NEGR1: variants seen among roughly 807,000 people sequenced by gnomAD.
The protein encoded by NEGR1 is neuronal growth regulator 1.
In NEGR1, 10 loss-of-function variants were observed where a neutral mutation model predicts 40.9. That is an observed-to-expected ratio of 0.24 (90% confidence interval 0.15 to 0.42). The LOEUF (loss-of-function observed/expected upper bound fraction) is 0.42, where lower values mean the gene tolerates loss of function less well. NEGR1 is among the 10% of genes least tolerant of loss of function. The probability of loss-of-function intolerance (pLI) is 1.00; values close to 1 mark genes in which losing one functional copy is unlikely to be tolerated. For synonymous variants in NEGR1, 185 were observed against 166.8 expected (o/e 1.11, Z -0.84); for missense variants, 352 against 438.9 (o/e 0.80, Z 1.77).
rs1345897019 is a variant in NEGR1 at position 72,202,108 on chromosome 1, T to C, written c.176+80211A>G. On this transcript the variant is annotated intron_variant, in intron 1 of 6. Coordinates refer to ENST00000357731, the MANE Select transcript of NEGR1 (RefSeq NM_173808.3). ...GGTAAGTCAAACATTTTAATTATCA[T>C]TATATCTGTTACAGTAATCTGTAAT... Among the ~76,000 whole-genome samples the C allele has an allele frequency of 3.3e-5, 5 of 151,942 alleles. No homozygotes were observed. The East Asian group carries it at 9.7e-4, about 29-fold the overall frequency.
At chr1:71,674,556 C>T (rs149530950) in intron 4 of NEGR1, among the ~76,000 whole-genome samples, 1 of 148,820 alleles carries the variant, frequency 6.7e-6, no homozygotes, top group African/African-American at 2.5e-5. Flanking sequence ...TTGGCCCAAT[C>T]GAAATACTCT....
At chr1:71,531,026 T>G (rs983289768) in intron 6 of NEGR1, among the ~76,000 whole-genome samples, 24 of 151,474 alleles carry the variant, frequency 1.6e-4, no homozygotes, top group African/African-American at 5.5e-4. Context: ...TACTAGGTAC[T>G]ATCCTTATTG....
intron 6 of NEGR1, among the ~76,000 whole-genome samples, chr1:71,549,947 C>T (rs1648022732): frequency 6.6e-6 from 1 of 151,612 alleles, no homozygotes; most frequent in Non-Finnish European, 1.5e-5. Flanking sequence ...TGTGCCAGGG[C>T]TTACATACCA....
intron 1 of NEGR1, among the ~76,000 whole-genome samples, chr1:71,992,192 T>C (rs895546800): frequency 1.3e-5 from 2 of 152,152 alleles, no homozygotes; most frequent in African/African-American, 4.8e-5. Context: ...ATGAGTATTA[T>C]TTAAAAATTG....
rs1652152519 is a variant in NEGR1, at chr1:71,663,911, T to C, written c.667+34097A>G. ...TCTCTTGAAAAGGTAGCTGTCTCTA[T>C]TGAGAGTTAATTATGGATTCTATAC... On this transcript the variant is annotated intron_variant, in intron 4 of 6. Transcript: ENST00000357731. Among the ~76,000 whole-genome samples, 3 of 152,200 alleles carry C rather than the reference T, an allele frequency of 2.0e-5. No homozygotes were observed. The South Asian group carries it at 6.2e-4, about 31-fold the overall frequency.
intron 6 of NEGR1, among the ~76,000 whole-genome samples, chr1:71,420,317 A>G (rs1028763616): frequency 3.9e-5 from 6 of 152,072 alleles, no homozygotes; most frequent in African/African-American, 1.4e-4. Context: ...GATCTTTGAG[A>G]CTTACATAAG....
intron 2 of NEGR1, among the ~76,000 whole-genome samples, chr1:71,886,033 C>T (rs1660713829): frequency 6.6e-6 from 1 of 152,122 alleles, no homozygotes; most frequent in African/African-American, 2.4e-5. Context: ...AAGACGACAG[C>T]TTTTTCACTT....
Position 71,827,201 on chromosome 1 carries a change from G to GA in NEGR1, c.410-50905dup, listed in dbSNP as rs199785593. Among the ~76,000 whole-genome samples the GA allele has an allele frequency of 7.9e-3, 1,172 of 147,778 alleles. 40 individuals carry two copies. In the South Asian group the frequency reaches 0.1, roughly 13 times the overall value. The stretch of plus-strand genomic sequence containing the variant: ...TCTATTCTATTGTGTTCTGTTTTAT[G>GA]AAAAAAAAAGAGGGAGCAGAGAGAA... On this transcript the variant is annotated intron_variant, in intron 2 of 6. Coordinates refer to ENST00000357731, the MANE Select transcript of NEGR1 (RefSeq NM_173808.3).
At chr1:71,918,359 A>G (rs1427430069) in intron 2 of NEGR1, among the ~76,000 whole-genome samples, 1 of 151,404 alleles carries the variant, frequency 6.6e-6, no homozygotes, top group African/African-American at 2.4e-5. Context: ...AAGTCTCAGA[A>G]AGTGGGACGG....
chr1:72,101,951 T>C lies in NEGR1; in HGVS notation c.177-166640A>G, dbSNP rs893760693. On this transcript the variant is annotated intron_variant, in intron 1 of 6. Transcript: ENST00000357731. ...CTGCTTTAAATACATGTTAGTTCTT[T>C]ACATATGTTTTAATATCTGTCTATC... Among the ~76,000 whole-genome samples, 6 of 152,150 alleles carry C rather than the reference T, an allele frequency of 3.9e-5. No individual in the cohort carries two copies. The South Asian group carries it at 6.2e-4, about 16-fold the overall frequency.
chr1:71,998,870 G>T (rs1393935137), intron 1 of NEGR1, among the ~76,000 whole-genome samples: 4 of 151,592 alleles, frequency 2.6e-5, no homozygotes, highest in African/African-American at 9.7e-5. Flanking sequence ...ATGATATATA[G>T]TTACATATAC....
chr1:72,161,558 T>G lies in NEGR1; in HGVS notation c.176+120761A>C, dbSNP rs148679264. Among the ~76,000 whole-genome samples, 537 of 152,122 alleles carry G rather than the reference T, an allele frequency of 3.5e-3. 5 individuals carry two copies. The highest frequency in any genetic ancestry group is 0.012 in the African/African-American group (518 of 41,520). ...TATTCAAAGACTATCCTCCAAAATA[T>G]CAAGAGGACAAATGTTGTGAAACCC... On this transcript the variant is annotated intron_variant, in intron 1 of 6. Coordinates refer to ENST00000357731, the MANE Select transcript of NEGR1 (RefSeq NM_173808.3).
chr1:71,822,789 C>A (rs752779110), intron 2 of NEGR1, among the ~76,000 whole-genome samples: 1 of 151,990 alleles, frequency 6.6e-6, no homozygotes, highest in Non-Finnish European at 1.5e-5. Context: ...AGCATGGAAT[C>A]CCATTCACAA....
intron 2 of NEGR1, among the ~76,000 whole-genome samples, chr1:71,886,256 T>C (rs965835270): frequency 4.6e-5 from 7 of 152,206 alleles, no homozygotes; most frequent in Admixed American, 3.3e-4. Flanking sequence ...GATTATTAGT[T>C]GTTCCCTAAT....
intron 6 of NEGR1, among the ~76,000 whole-genome samples, chr1:71,511,268 T>A (rs1455638656): frequency 6.6e-6 from 1 of 152,232 alleles, no homozygotes; most frequent in Non-Finnish European, 1.5e-5. Context: ...GAATTAAACA[T>A]GTTATGATGC....
At chr1:71,454,506 C>G (rs1273218695) in intron 6 of NEGR1, among the ~76,000 whole-genome samples, 2 of 152,052 alleles carry the variant, frequency 1.3e-5, no homozygotes, top group East Asian at 3.9e-4. Context: ...TAATTTGCTT[C>G]TGAGACAAGG....
intron 1 of NEGR1, among the ~76,000 whole-genome samples, chr1:72,216,104 A>G (rs1304666896): frequency 6.6e-6 from 1 of 152,000 alleles, no homozygotes; most frequent in Non-Finnish European, 1.5e-5. Context: ...AAACTAACAC[A>G]GGAACAGAAA....
rs1327646256 is a variant in NEGR1, at chr1:71,743,295, T to C, written c.535+32877A>G. On this transcript the variant is annotated intron_variant, in intron 3 of 6. Coordinates refer to ENST00000357731, the MANE Select transcript of NEGR1 (RefSeq NM_173808.3). ...TTGAGGAAAGTAGAATGTAGTTTAATATAAACATAAAATAACAGAGGTGAA... is the reference window on the plus strand; with the variant it reads ...TTGAGGAAAGTAGAATGTAGTTTAACATAAACATAAAATAACAGAGGTGAA... Among the ~76,000 whole-genome samples, 16 of 152,056 alleles carry C rather than the reference T, an allele frequency of 1.1e-4. 1 individual carries two copies. Among genetic ancestry groups the C allele is most frequent in the Admixed American group, 7.9e-4 (12 of 15,262 alleles).
At chr1:72,229,529 G>A (rs998795571) in intron 1 of NEGR1, among the ~76,000 whole-genome samples, 13 of 149,510 alleles carry the variant, frequency 8.7e-5, no homozygotes, top group African/African-American at 2.9e-4. Context: ...TGCAAAAACA[G>A]CATTCAAGTC....
Sources: gnomAD v4.1 joint callset for allele counts (sites outside exome capture counted in the v4.1 genomes callset) on GRCh38, gnomAD v4.1.1 for gene constraint, MANE v1.5 for transcripts, NCBI Gene and HGNC (gene_info 2026-07-23, HGNC 2026-07-21) for gene names.